PRSS38: variants seen among roughly 807,000 people sequenced by gnomAD.
PRSS38 encodes the protein marapsin 2.
In PRSS38, 22 loss-of-function variants were observed where a neutral mutation model predicts 26.8. The observed-to-expected ratio is 0.82, with a 90% CI of 0.59 to 1.17. The LOEUF is 1.17. PRSS38 is among the 50% of genes most tolerant of loss of function. The probability of loss-of-function intolerance (pLI) is 0.00; values close to 1 mark genes in which losing one functional copy is unlikely to be tolerated. For synonymous variants in PRSS38, 175 were observed against 172.1 expected, an observed-to-expected ratio of 1.02 and a Z score of -0.13; for missense variants, 427 against 422.7, an observed-to-expected ratio of 1.01 and a Z score of -0.09.
chr1:227,831,887 A>T (rs1665158446), intron 3 of PRSS38, among the ~76,000 whole-genome samples: 1 of 152,170 alleles, frequency 6.6e-6, no homozygotes, highest in African/African-American at 2.4e-5. Context: ...AAAAGCAGTT[A>T]TTTAGAGTAG....
At chr1:227,828,689 C>G (rs1665109645) in intron 3 of PRSS38, among the ~76,000 whole-genome samples, 1 of 152,230 alleles carries the variant, frequency 6.6e-6, no homozygotes, top group African/African-American at 2.4e-5. Flanking sequence ...CACAGCTGCA[C>G]TACCAAGAAG....
At chr1:227,815,762 C>T in exon 1 of PRSS38, 2 of 1,611,376 alleles carry the variant, frequency 1.2e-6, no homozygotes, top group Non-Finnish European at 1.7e-6. Flanking sequence ...GCCCTCTGCC[C>T]TGGGCCTTCT....
intron 3 of PRSS38, among the ~76,000 whole-genome samples, chr1:227,842,573 G>T (rs1210248380): frequency 6.6e-6 from 1 of 151,770 alleles, no homozygotes; most frequent in East Asian, 1.9e-4. Context: ...CTCCTTCTCT[G>T]AGGGAACTTC....
At chr1:227,819,155 A>G (rs1202792986) in intron 3 of PRSS38, among the ~76,000 whole-genome samples, 1 of 152,160 alleles carries the variant, frequency 6.6e-6, no homozygotes, top group Non-Finnish European at 1.5e-5. Flanking sequence ...ATATAAAACT[A>G]CCTGCTACAG....
intron 3 of PRSS38, among the ~76,000 whole-genome samples, chr1:227,831,993 A>G (rs1474936770): frequency 6.6e-6 from 1 of 152,238 alleles, no homozygotes; most frequent in Non-Finnish European, 1.5e-5. Flanking sequence ...TTGGGTGCAT[A>G]CATATTTATA....
At chr1:227,840,587 G>A (rs568855546) in intron 3 of PRSS38, among the ~76,000 whole-genome samples, 2 of 152,248 alleles carry the variant, frequency 1.3e-5, no homozygotes, top group South Asian at 2.1e-4. Context: ...CACAACAGGA[G>A]AGTGGAGCAG....
exon 3 of PRSS38, chr1:227,817,376 T>C (rs1664938315): frequency 6.2e-7 from 1 of 1,614,178 alleles, no homozygotes; most frequent in Non-Finnish European, 8.5e-7. Context: ...AAGACCCGCA[T>C]TGTGTTTTCT....
intron 3 of PRSS38, among the ~76,000 whole-genome samples, chr1:227,820,791 A>G (rs1050083563): frequency 6.6e-6 from 1 of 152,170 alleles, no homozygotes; most frequent in African/African-American, 2.4e-5. Context: ...TGTGATAAAG[A>G]TTGATTAATT....
chr1:227,828,428 T>C (rs890777716), intron 3 of PRSS38, among the ~76,000 whole-genome samples: 3 of 152,192 alleles, frequency 2.0e-5, no homozygotes, highest in African/African-American at 7.2e-5. Flanking sequence ...AACCCTTTAC[T>C]ATTACTTGGG....
intron 3 of PRSS38, among the ~76,000 whole-genome samples, chr1:227,826,670 A>G (rs900084462): frequency 6.6e-6 from 1 of 151,990 alleles, no homozygotes; most frequent in Non-Finnish European, 1.5e-5. Context: ...GAGCCGAGAT[A>G]GTGCCACTGC....
chr1:227,815,707 C>G (rs1000907669), exon 1 of PRSS38: 11 of 1,575,870 alleles, frequency 7.0e-6, no homozygotes, highest in Non-Finnish European at 9.5e-6. Context: ...GGGGCGCTGC[C>G]TCGAGCCTCA....
At chr1:227,817,420 G>A in exon 3 of PRSS38, 1 of 1,614,202 alleles carries the variant, frequency 6.2e-7, no homozygotes, top group Non-Finnish European at 8.5e-7. Context: ...TGCAACTCCA[G>A]AAGTGAACCT....
intron 3 of PRSS38, among the ~76,000 whole-genome samples, chr1:227,841,297 A>G (rs557704426): frequency 6.6e-6 from 1 of 152,374 alleles, no homozygotes; most frequent in South Asian, 2.1e-4. Flanking sequence ...AAGATTCAAG[A>G]CAATGAGAAA....
At chr1:227,822,399 T>C (rs773684784) in intron 3 of PRSS38, among the ~76,000 whole-genome samples, 15 of 152,128 alleles carry the variant, frequency 9.9e-5, no homozygotes, top group Non-Finnish European at 2.2e-4. Flanking sequence ...TTGTTATTAT[T>C]ACTATTATTG....
exon 3 of PRSS38, chr1:227,817,395 G>T (rs149920250): frequency 9.9e-6 from 16 of 1,614,058 alleles, no homozygotes; most frequent in Non-Finnish European, 1.3e-5. Flanking sequence ...CTGAGTCCGT[G>T]CTCCCGGTTT....
At chr1:227,817,584 G>C in intron 3 of PRSS38, 104 bp downstream of exon 3, 13 of 1,114,034 alleles carry the variant, frequency 1.2e-5, no homozygotes, top group South Asian at 1.5e-5. Context: ...TTTGGGGACT[G>C]GAATCCCCAC....
At chr1:227,845,475 A>G in exon 4 of PRSS38, 3 of 1,609,958 alleles carry the variant, frequency 1.9e-6, no homozygotes, top group Non-Finnish European at 1.7e-6. Flanking sequence ...CACAGGTGAG[A>G]CCTCAGACGA....
intron 3 of PRSS38, among the ~76,000 whole-genome samples, chr1:227,818,700 C>T (rs1415891737): frequency 4.1e-5 from 4 of 96,648 alleles, no homozygotes; most frequent in Non-Finnish European, 6.2e-5. Flanking sequence ...AAAAAAAAAA[C>T]GTATTTAATG....
intron 3 of PRSS38, among the ~76,000 whole-genome samples, chr1:227,821,061 GATAAAAAGTGGAATTAAAAACCAA>G (rs1266398126): frequency 2.6e-5 from 4 of 152,036 alleles, no homozygotes; most frequent in Non-Finnish European, 4.4e-5. Flanking sequence ...TCCTGTTGCA[GATAAAAAGTGGAATTAAAAACCAA>G]ATAAAAAGTG....
Sources: allele counts gnomAD v4.1 joint callset (sites outside exome capture counted in the v4.1 genomes callset), GRCh38; gene constraint gnomAD v4.1.1; transcripts MANE v1.5; gene names NCBI Gene and HGNC (gene_info 2026-07-23, HGNC 2026-07-21).